GALNTL6: variants seen among roughly 807,000 people sequenced by gnomAD.
The protein encoded by GALNTL6 is polypeptide N-acetylgalactosaminyltransferase-like 6.
Under a neutral mutation model 73.7 loss-of-function variants are expected in GALNTL6, and 46 were observed. The ratio of observed to expected loss-of-function variants is 0.62; its 90% confidence interval spans 0.49 to 0.80. GALNTL6 has a LOEUF of 0.80. Among genes scored for constraint, GALNTL6 ranks in the 30% least tolerant of loss-of-function variants. GALNTL6 has a pLI of 0.00. For missense variants in GALNTL6, 604 were observed against 755.0 expected (o/e 0.80, Z 2.34); for synonymous variants, 259 against 263.7 (o/e 0.98, Z 0.17).
intron 2 of GALNTL6, among the ~76,000 whole-genome samples, chr4:171,833,538 TGA>T (rs1423637943): frequency 1.3e-5 from 2 of 151,752 alleles, no homozygotes; most frequent in East Asian, 3.8e-4. Context: ...TGCATTTTTT[TGA>T]GTTTTTATGG....
chr4:172,031,943 T>C (rs141679783), intron 2 of GALNTL6, among the ~76,000 whole-genome samples: 1,693 of 152,146 alleles, frequency 0.011, 21 homozygotes, highest in Admixed American at 0.035. Context: ...TCATTTAAGG[T>C]TATAGCCCCA....
chr4:172,832,485 G>T (rs1315698975), intron 7 of GALNTL6, among the ~76,000 whole-genome samples: 1 of 152,194 alleles, frequency 6.6e-6, no homozygotes, highest in Non-Finnish European at 1.5e-5. Context: ...CAAATTTAAT[G>T]ATCTGTGTCT....
intron 7 of GALNTL6, among the ~76,000 whole-genome samples, chr4:172,873,345 G>A (rs1225345869): frequency 2.6e-5 from 4 of 152,116 alleles, no homozygotes; most frequent in South Asian, 2.1e-4. Flanking sequence ...ATTCTCTCAC[G>A]ATAACTCAGA....
chr4:172,605,194 A>T (rs1393539202), intron 5 of GALNTL6, among the ~76,000 whole-genome samples: 2 of 152,192 alleles, frequency 1.3e-5, no homozygotes, highest in African/African-American at 4.8e-5. Flanking sequence ...TCTTGTTTCT[A>T]TGCCTGGTGA....
At chr4:172,702,912 T>G (rs1164208793) in intron 5 of GALNTL6, among the ~76,000 whole-genome samples, 1 of 152,024 alleles carries the variant, frequency 6.6e-6, no homozygotes, top group East Asian at 1.9e-4. Flanking sequence ...CAATTGACTT[T>G]TCTATGGTTA....
Position 172,069,297 on chromosome 4 carries a change from T to C in GALNTL6, c.139-160359T>C, listed in dbSNP as rs1307873810. The stretch of plus-strand genomic sequence containing the variant: ...AAAACCAGTTATAGTGGCACTAAAA[T>C]TCATTCATCCAGCATTCAGCATAAA... On this transcript the variant is annotated intron_variant, in intron 2 of 12. Transcript: ENST00000506823. Among the ~76,000 whole-genome samples the C allele has an allele frequency of 1.2e-4, 12 of 104,016 alleles. 1 individual carries two copies. The East Asian group carries it at 2.7e-3, about 23-fold the overall frequency. 68.2% of individuals were successfully genotyped at this position (104,016 alleles called of 152,430 possible). A position where few individuals can be genotyped will look rare whatever the true frequency, so the allele number is the denominator to read the frequency against.
At chr4:171,902,537 A>G (rs1240083187) in intron 2 of GALNTL6, among the ~76,000 whole-genome samples, 1 of 152,246 alleles carries the variant, frequency 6.6e-6, no homozygotes, top group African/African-American at 2.4e-5. Context: ...GGACACAGGA[A>G]TCAGGACAGA....
intron 5 of GALNTL6, among the ~76,000 whole-genome samples, chr4:172,356,688 T>A (rs532494815): frequency 6.6e-6 from 1 of 152,296 alleles, no homozygotes; most frequent in South Asian, 2.1e-4. Context: ...AATAATAGGA[T>A]CTTTGAGATG....
At chr4:172,914,211 C>T (rs1034447693) in intron 8 of GALNTL6, among the ~76,000 whole-genome samples, 1 of 152,202 alleles carries the variant, frequency 6.6e-6, no homozygotes, top group African/African-American at 2.4e-5. Context: ...GAGATTTTGT[C>T]ACCACCAGGC....
chr4:172,062,559 G>C (rs976369341), intron 2 of GALNTL6, among the ~76,000 whole-genome samples: 1 of 152,218 alleles, frequency 6.6e-6, no homozygotes, highest in South Asian at 2.1e-4. Flanking sequence ...ATGAAAGAAG[G>C]TTGGTCGTGA....
At chr4:172,289,649 C>T (rs1229369384) in intron 3 of GALNTL6, among the ~76,000 whole-genome samples, 2 of 152,166 alleles carry the variant, frequency 1.3e-5, no homozygotes, top group African/African-American at 4.8e-5. Context: ...TATGAGCTGG[C>T]ACAATCCTGG....
chr4:171,977,117 G>T (rs1739744466), intron 2 of GALNTL6, among the ~76,000 whole-genome samples: 1 of 152,158 alleles, frequency 6.6e-6, no homozygotes, highest in Non-Finnish European at 1.5e-5. Flanking sequence ...AGGAGAGTAA[G>T]CCTTAGCCTC....
chr4:172,280,557 G>C (rs540793743), intron 3 of GALNTL6, among the ~76,000 whole-genome samples: 1 of 151,820 alleles, frequency 6.6e-6, no homozygotes, highest in African/African-American at 2.4e-5. Context: ...GTTCAAGACT[G>C]TAAATAATTA....
intron 5 of GALNTL6, among the ~76,000 whole-genome samples, chr4:172,618,423 A>AAT (rs1197381082): frequency 1.3e-5 from 2 of 152,150 alleles, no homozygotes; most frequent in African/African-American, 4.8e-5. Context: ...TCCTCTCACT[A>AAT]ATATTCTACT....
At chr4:173,035,666 C>G (rs538230438) in intron 12 of GALNTL6, among the ~76,000 whole-genome samples, 4 of 152,200 alleles carry the variant, frequency 2.6e-5, no homozygotes, top group Non-Finnish European at 4.4e-5. Flanking sequence ...ACACATAGAT[C>G]AGATACAAGA....
intron 8 of GALNTL6, among the ~76,000 whole-genome samples, chr4:172,926,346 G>T (rs1748058514): frequency 6.6e-6 from 1 of 152,092 alleles, no homozygotes; most frequent in African/African-American, 2.4e-5. Flanking sequence ...TAGGGTGGAT[G>T]GATACAAACA....
At chr4:172,850,589 G>T (rs1373530681) in intron 7 of GALNTL6, among the ~76,000 whole-genome samples, 1 of 152,112 alleles carries the variant, frequency 6.6e-6, no homozygotes, top group East Asian at 1.9e-4. Context: ...GGCGTCCTGT[G>T]ATTCTACTGA....
intron 5 of GALNTL6, among the ~76,000 whole-genome samples, chr4:172,468,255 T>C (rs938233624): frequency 2.6e-5 from 4 of 152,200 alleles, no homozygotes; most frequent in African/African-American, 7.2e-5. Flanking sequence ...GACAATTTTA[T>C]TGAATCATTT....
At chr4:172,289,106 A>G (rs1201183759) in intron 3 of GALNTL6, among the ~76,000 whole-genome samples, 1 of 152,160 alleles carries the variant, frequency 6.6e-6, no homozygotes, top group Non-Finnish European at 1.5e-5. Flanking sequence ...TGAAAAAAAA[A>G]ATCCTTCTGT....
Sources: gnomAD v4.1 joint callset for allele counts (sites outside exome capture counted in the v4.1 genomes callset) on GRCh38, gnomAD v4.1.1 for gene constraint, MANE v1.5 for transcripts, NCBI Gene and HGNC (gene_info 2026-07-23, HGNC 2026-07-21) for gene names.